SLC15A5: variants seen among roughly 807,000 people sequenced by gnomAD.
SLC15A5 encodes the protein solute carrier family 15 member 5.
Under a neutral mutation model 56.1 loss-of-function variants are expected in SLC15A5, and 58 were observed. That is an observed-to-expected ratio of 1.03 (90% CI 0.84 to 1.29). SLC15A5 has a LOEUF of 1.29. SLC15A5 is among the 50% of genes most tolerant of loss of function. The probability of loss-of-function intolerance (pLI) is 0.00; values close to 1 mark genes in which losing one functional copy is unlikely to be tolerated. For synonymous variants in SLC15A5, 264 were observed against 250.5 expected, an observed-to-expected ratio of 1.05 and a Z score of -0.51; for missense variants, 681 against 672.1, an observed-to-expected ratio of 1.01 and a Z score of -0.15.
At chr12:16,275,116 G>T (rs1474899162) in intron 1 of SLC15A5, among the ~76,000 whole-genome samples, 1 of 152,052 alleles carries the variant, frequency 6.6e-6, no homozygotes, top group East Asian at 1.9e-4. Context: ...ATTATAAAGT[G>T]ATGGATGCAA....
intron 3 of SLC15A5, among the ~76,000 whole-genome samples, chr12:16,245,017 G>A (rs993313946): frequency 1.3e-5 from 2 of 152,134 alleles, no homozygotes; most frequent in Non-Finnish European, 1.5e-5. Flanking sequence ...TGTCAAAAGT[G>A]TAAAAGGTAA....
chr12:16,224,696 T>A, intron 5 of SLC15A5, 94 bp from the exon 6 acceptor site: 3 of 1,218,986 alleles, frequency 2.5e-6, no homozygotes, highest in Non-Finnish European at 2.2e-6. Context: ...TGACATTAGA[T>A]GTTTCTTTTT....
chr12:16,271,601 G>GAGAC lies in SLC15A5; in HGVS notation c.584+959_584+960insGTCT. ...AGCAAGAGAAAGAAAAAGAAAGAAA[G>GAGAC]AGAAAAGAGGAACTGCCTCGGATAG... On this transcript the variant is annotated intron_variant, in intron 2 of 8. Transcript: ENST00000344941. This position sits in a 1 kb window ranked among gnomAD's most constrained non-coding sequence, Gnocchi z 8.0. Among the ~76,000 whole-genome samples, 1 of 151,566 alleles carries GAGAC rather than the reference G, an allele frequency of 6.6e-6. No individual in the cohort carries two copies. The highest frequency in any genetic ancestry group is 1.9e-4 in the East Asian group (1 of 5,138).
chr12:16,204,422 C>T (rs901554186), intron 7 of SLC15A5, among the ~76,000 whole-genome samples: 8 of 141,994 alleles, frequency 5.6e-5, no homozygotes, highest in African/African-American at 1.3e-4. Flanking sequence ...GGCAACAGAG[C>T]GAGACACTGT....
chr12:16,209,804 A>G (rs1201053362), intron 7 of SLC15A5, among the ~76,000 whole-genome samples: 1 of 152,122 alleles, frequency 6.6e-6, no homozygotes, highest in Non-Finnish European at 1.5e-5. Context: ...CTTCCTCTCT[A>G]GTTCATTACT....
At chr12:16,203,901 A>G (rs145061803) in intron 7 of SLC15A5, among the ~76,000 whole-genome samples, 1 of 152,194 alleles carries the variant, frequency 6.6e-6, no homozygotes, top group East Asian at 1.9e-4. Flanking sequence ...ATCTCCCTGT[A>G]TAACAGTGAT....
chr12:16,257,911 T>C lies in SLC15A5; in HGVS notation c.585-41A>G, dbSNP rs538400751. The C allele has an allele frequency of 4.1e-5, 55 of 1,328,196 alleles. No homozygotes were observed. The South Asian group carries it at 1.1e-3, about 27-fold the overall frequency. The allele number at this position is 1,328,196 out of a possible 1,614,324, so 82.3% of individuals were successfully genotyped here. A position where few individuals can be genotyped will look rare whatever the true frequency, so the allele number is the denominator to read the frequency against. ...AGACAAAAATAAAAATACCATTGAA[T>C]TGCTTTAGATAACTATTGCTAATTT... On this transcript the variant is annotated intron_variant, in intron 2 of 8. Transcript: ENST00000344941.
intron 6 of SLC15A5, among the ~76,000 whole-genome samples, chr12:16,222,209 T>A (rs1204580568): frequency 6.6e-6 from 1 of 152,148 alleles, no homozygotes; most frequent in Non-Finnish European, 1.5e-5. Flanking sequence ...ACTCCCTGTT[T>A]TATAGATGAT....
chr12:16,251,978 T>C (rs1864523492), intron 3 of SLC15A5, among the ~76,000 whole-genome samples: 1 of 151,966 alleles, frequency 6.6e-6, no homozygotes, highest in Admixed American at 6.6e-5. Flanking sequence ...TACCTGGAAT[T>C]CAAAAATAGT....
chr12:16,263,974 A>C (rs1285739683), intron 2 of SLC15A5, among the ~76,000 whole-genome samples: 1 of 152,202 alleles, frequency 6.6e-6, no homozygotes. Context: ...GGCAGTGTGG[A>C]ACAGAAATGT....
chr12:16,211,614 G>A (rs1173587186), intron 7 of SLC15A5, among the ~76,000 whole-genome samples: 2 of 152,062 alleles, frequency 1.3e-5, no homozygotes, highest in African/African-American at 2.4e-5. Context: ...GTTTAAGTTC[G>A]AATTCATGAG....
At chr12:16,267,851 G>A (rs1389524009) in intron 2 of SLC15A5, among the ~76,000 whole-genome samples, 1 of 98,950 alleles carries the variant, frequency 1.0e-5, no homozygotes, top group Non-Finnish European at 2.0e-5. Flanking sequence ...CGATTCTTCC[G>A]CTTCAGCCTC....
chr12:16,259,898 G>GGGGGA, intron 2 of SLC15A5, among the ~76,000 whole-genome samples: 1 of 47,336 alleles, frequency 2.1e-5, no homozygotes, highest in East Asian at 6.6e-4. Flanking sequence ...GACACCACCC[G>GGGGGA]GGCGGGGGGT....
intron 2 of SLC15A5, among the ~76,000 whole-genome samples, chr12:16,267,156 A>G (rs1864705556): frequency 6.6e-6 from 1 of 152,210 alleles, no homozygotes; most frequent in African/African-American, 2.4e-5. Flanking sequence ...GAAAGAAGGC[A>G]AATTTTCTAT....
At chr12:16,191,134 G>A (rs1863834890) in intron 8 of SLC15A5, among the ~76,000 whole-genome samples, 1 of 152,090 alleles carries the variant, frequency 6.6e-6, no homozygotes, top group South Asian at 2.1e-4. Flanking sequence ...TTTGATTGTG[G>A]AGGGGTTGTT....
intron 7 of SLC15A5, among the ~76,000 whole-genome samples, chr12:16,214,659 T>C (rs1799513): frequency 0.79 from 120,790 of 152,106 alleles, 48,340 homozygotes; most frequent in East Asian, 0.99. Context: ...ATGTGGTTAG[T>C]GCATACCTGG....
intron 5 of SLC15A5, among the ~76,000 whole-genome samples, chr12:16,225,430 C>T (rs1343933542): frequency 6.6e-6 from 1 of 152,128 alleles, no homozygotes; most frequent in Admixed American, 6.5e-5. Context: ...AAAGCAATGG[C>T]AACAAAAGCC....
At chr12:16,200,161 A>G (rs540996701) in intron 7 of SLC15A5, among the ~76,000 whole-genome samples, 13 of 151,822 alleles carry the variant, frequency 8.6e-5, no homozygotes, top group Admixed American at 7.9e-4. Flanking sequence ...CACCCTGAAC[A>G]CAGAATGACA....
At chr12:16,242,893 T>C (rs1864426561) in intron 4 of SLC15A5, among the ~76,000 whole-genome samples, 2 of 152,214 alleles carry the variant, frequency 1.3e-5, no homozygotes, top group South Asian at 4.1e-4. Flanking sequence ...TTTATTATAT[T>C]AATGCTTACA....
Sources: gnomAD v4.1 joint callset for allele counts (sites outside exome capture counted in the v4.1 genomes callset) on GRCh38, gnomAD v4.1.1 for gene constraint, Gnocchi (gnomAD v3.1) non-coding constraint, MANE v1.5 for transcripts, NCBI Gene and HGNC (gene_info 2026-07-23, HGNC 2026-07-21) for gene names.